CABIN1: variants seen among roughly 807,000 people sequenced by gnomAD.
CABIN1 encodes the protein calcineurin binding protein 1.
A neutral mutation model predicts 227.7 loss-of-function variants in CABIN1; 133 were observed. The ratio of observed to expected loss-of-function variants is 0.58; its 90% CI spans 0.51 to 0.67. The LOEUF (loss-of-function observed/expected upper bound fraction) is 0.67. CABIN1 is among the 30% of genes least tolerant of loss of function. CABIN1 has a pLI of 0.00. For synonymous variants in CABIN1, 1,086 were observed against 1,155.1 expected, an observed-to-expected ratio of 0.94 and a Z score of 1.21; for missense variants, 2,408 against 2,852.5, an observed-to-expected ratio of 0.84 and a Z score of 3.55.
intron 28 of CABIN1, among the ~76,000 whole-genome samples, chr22:24,123,840 G>T (rs1360443908): frequency 6.6e-6 from 1 of 152,260 alleles, no homozygotes; most frequent in African/African-American, 2.4e-5. Flanking sequence ...GGGCTTGGCA[G>T]TGCCTTTTTC....
intron 29 of CABIN1, among the ~76,000 whole-genome samples, chr22:24,159,822 G>A (rs954663644): frequency 6.6e-6 from 1 of 152,172 alleles, no homozygotes; most frequent in Non-Finnish European, 1.5e-5. Context: ...CATGGTGCTG[G>A]TGGAAGACAC....
intron 4 of CABIN1, among the ~76,000 whole-genome samples, chr22:24,040,827 A>G (rs528618424): frequency 3.3e-5 from 5 of 152,250 alleles, no homozygotes; most frequent in Non-Finnish European, 5.9e-5. Context: ...GGGTCTACCT[A>G]TGCTGTAAAT....
At chr22:24,159,154 A>G (rs986335755) in intron 29 of CABIN1, among the ~76,000 whole-genome samples, 3 of 152,120 alleles carry the variant, frequency 2.0e-5, no homozygotes, top group African/African-American at 7.2e-5. Flanking sequence ...GCTCTGCTCA[A>G]AGGCCTTGAG....
In CABIN1 at chr22:24,176,212, G is replaced by A; in HGVS notation, c.6142G>A (p.Glu2048Lys). The change falls in exon 35 of 37, where the codon GAG becomes AAG. Residue 2048 changes from glutamate (E) to lysine (K), a missense_variant. Physicochemically the swap from Glu to Lys is moderately conservative, Grantham distance 56. Transcript: ENST00000263119. ...GATGGCCCCCACAAGTTCCCCGGCAGAGCCACACTGCTGGCCGGCAGAGGC... is the reference window on the plus strand; with the variant it reads ...GATGGCCCCCACAAGTTCCCCGGCAAAGCCACACTGCTGGCCGGCAGAGGC... The part of the protein sequence containing the change: ...VKMAPTSSPA[E>K]PHCWPAEAAL... The A allele has an allele frequency of 2.5e-6, 4 of 1,610,726 alleles. No homozygotes were observed. Among genetic ancestry groups the A allele is most frequent in the Non-Finnish European group, 3.4e-6 (4 of 1,179,128 alleles).
At chr22:24,121,609 T>A (rs2043415083) in intron 28 of CABIN1, among the ~76,000 whole-genome samples, 2 of 152,216 alleles carry the variant, frequency 1.3e-5, no homozygotes, top group South Asian at 4.1e-4. Context: ...AACCAGCATG[T>A]CCTCACTGCT....
chr22:24,067,029 G>A lies in CABIN1; in HGVS notation c.2080G>A (p.Glu694Lys). 1 of 1,614,230 alleles carries A rather than the reference G, an allele frequency of 6.2e-7. No individual in the cohort carries two copies. Residue 694 changes from glutamate (E) to lysine (K), a missense_variant, in exon 16 of 37, where the codon GAG becomes AAG. By Grantham distance (56) the Glu-to-Lys change is moderately conservative (BLOSUM62 1). Transcript: ENST00000263119. ...GTCGCTGGAGCGGTGCCAGTCCCTG[G>A]AGGAGATTCAGCGGCTGTATGAAGC... ...LKSLERCQSL[E>K]EIQRLYEAGD... is the part of the protein sequence containing the mutation.
In CABIN1 at chr22:24,171,863, C is replaced by T; in HGVS notation, c.5908C>T (p.Leu1970=). ...SDAHTKPRPA[L]AAATTIITCP... The stretch of plus-strand genomic sequence containing the variant: ...TGCTCACACCAAGCCTCGCCCTGCA[C>T]TAGCTGCCGCCACAACTATTATCAC... The change falls in exon 34 of 37, where the codon CTA becomes TTA. Residue 1970 remains leucine, a synonymous_variant. Coordinates refer to ENST00000263119, the MANE Select transcript of CABIN1 (RefSeq NM_012295.4). 2 of 1,614,132 alleles carry T rather than the reference C, an allele frequency of 1.2e-6. No individual in the cohort carries two copies. Among genetic ancestry groups the T allele is most frequent in the Non-Finnish European group, 8.5e-7 (1 of 1,180,042 alleles).
chr22:24,090,304 G>A (rs2041458180), intron 23 of CABIN1, among the ~76,000 whole-genome samples: 1 of 152,182 alleles, frequency 6.6e-6, no homozygotes, highest in Admixed American at 6.5e-5. Context: ...GGGCAGGGGG[G>A]CTAGTGACTT....
At chr22:24,065,049 G>A (rs1401043742) in intron 15 of CABIN1, among the ~76,000 whole-genome samples, 1 of 152,080 alleles carries the variant, frequency 6.6e-6, no homozygotes, top group Non-Finnish European at 1.5e-5. Flanking sequence ...CCCAGAGGGG[G>A]TGGTGGCCGG....
rs191624418 is a variant in CABIN1 at position 24,168,117 on chromosome 22, G to A, written c.5683-330G>A. ...ATGTAAGTAACTCAGCCATAGAAAT[G>A]AACTTGGTATAGCCAGATGGGCTCA... On this transcript the variant is annotated intron_variant, in intron 32 of 36. Coordinates refer to ENST00000263119, the MANE Select transcript of CABIN1 (RefSeq NM_012295.4). Among the ~76,000 whole-genome samples, 487 of 152,320 alleles carry A rather than the reference G, an allele frequency of 3.2e-3. 1 individual carries two copies. The highest frequency in any genetic ancestry group is 0.02 in the Middle Eastern group (6 of 294).
chr22:24,048,492 C>T (rs962989286), intron 6 of CABIN1, among the ~76,000 whole-genome samples: 1 of 152,158 alleles, frequency 6.6e-6, no homozygotes, highest in Non-Finnish European at 1.5e-5. Flanking sequence ...ATGATCACAG[C>T]TCACTGCAGC....
At position 24,176,121 on chromosome 22, in the gene CABIN1, G is replaced by A. The variant is rs1213319788; in HGVS notation, c.6051G>A (p.Glu2017=). The change falls in exon 35 of 37, where the codon GAG becomes GAA. Residue 2017 remains glutamate, a synonymous_variant. Transcript: ENST00000263119. The part of the protein sequence containing the change: ...SMASLGPEGE[E]LARVAEGTSF... ...CCCATGTCCCCACAGAGGGAGAAGA[G>A]CTGGCGAGAGTGGCAGAGGGCACCA... is the stretch of plus-strand genomic sequence containing the variant. 1 of 1,610,858 alleles carries A rather than the reference G, an allele frequency of 6.2e-7. No homozygotes were observed.
At chr22:24,031,286 G>A (rs1009078783) in intron 1 of CABIN1, among the ~76,000 whole-genome samples, 13 of 152,324 alleles carry the variant, frequency 8.5e-5, no homozygotes, top group African/African-American at 3.1e-4. Flanking sequence ...GTGGCAGGGG[G>A]CAGGAGAAAA....
intron 27 of CABIN1, among the ~76,000 whole-genome samples, chr22:24,118,974 C>G (rs1275903745): frequency 6.6e-6 from 1 of 152,222 alleles, no homozygotes; most frequent in Non-Finnish European, 1.5e-5. Context: ...CTTCGTGAAC[C>G]CTGGCTGTGT....
rs2037108828 is a variant in CABIN1 at position 24,038,522 on chromosome 22, G to T, written c.210+61G>T. On this transcript the variant is annotated intron_variant, in intron 4 of 36. Transcript: ENST00000263119. The stretch of plus-strand genomic sequence containing the variant: ...GGTTAGTGCATGGGCTGTGGGGCTG[G>T]GTACTCTGGGCCTTACCTCTGCTCT... The T allele has an allele frequency of 5.1e-6, 6 of 1,173,602 alleles. No homozygotes were observed. In the South Asian group the frequency reaches 6.1e-5, roughly 12 times the overall value. 72.7% of individuals were successfully genotyped at this position (1,173,602 alleles called of 1,614,324 possible).
intron 7 of CABIN1, among the ~76,000 whole-genome samples, chr22:24,050,273 C>T (rs777062673): frequency 6.6e-6 from 1 of 152,162 alleles, no homozygotes; most frequent in African/African-American, 2.4e-5. Flanking sequence ...CAGATAAATT[C>T]ATGAGTAGCT....
At chr22:24,142,760 G>C (rs1288484428) in intron 29 of CABIN1, among the ~76,000 whole-genome samples, 1 of 152,194 alleles carries the variant, frequency 6.6e-6, no homozygotes, top group Non-Finnish European at 1.5e-5. Context: ...GATCTGAGTT[G>C]CCTCCCAGCA....
intron 26 of CABIN1, 47 bp downstream of exon 26, chr22:24,098,239 T>C (rs1430854719): frequency 2.8e-6 from 4 of 1,445,122 alleles, no homozygotes; most frequent in African/African-American, 1.5e-5. Context: ...GGCACATCAA[T>C]CACGGGGGGG....
intron 26 of CABIN1, among the ~76,000 whole-genome samples, chr22:24,101,345 T>A (rs2042190689): frequency 6.6e-6 from 1 of 152,232 alleles, no homozygotes; most frequent in Non-Finnish European, 1.5e-5. Flanking sequence ...AATAGCTGCT[T>A]CATAGGACCC....
Sources: allele counts gnomAD v4.1 joint callset (sites outside exome capture counted in the v4.1 genomes callset), GRCh38; gene constraint gnomAD v4.1.1; transcripts MANE v1.5; gene names NCBI Gene and HGNC (gene_info 2026-07-23, HGNC 2026-07-21).